The following YEATS2 variants were observed in gnomAD, a reference collection of about 807,000 sequenced individuals.
YEATS2 encodes the protein YEATS domain containing 2.
Under a neutral mutation model 163.2 loss-of-function variants are expected in YEATS2, and 77 were observed. The observed-to-expected ratio is 0.47, with a 90% CI of 0.39 to 0.57. The LOEUF (loss-of-function observed/expected upper bound fraction) is 0.57, where lower values mean the gene tolerates loss of function less well. Ranked by LOEUF, YEATS2 falls within the 20% of genes least tolerant of loss-of-function variation. The probability of loss-of-function intolerance (pLI) is 0.00; values close to 1 mark genes in which losing one functional copy is unlikely to be tolerated. For synonymous variants in YEATS2, 631 were observed against 645.1 expected (o/e 0.98, Z 0.33); for missense variants, 1,549 against 1,729.8 (o/e 0.90, Z 1.85).
intron 1 of YEATS2, among the ~76,000 whole-genome samples, chr3:183,702,045 T>C (rs1714149056): frequency 6.6e-6 from 1 of 152,212 alleles, no homozygotes; most frequent in African/African-American, 2.4e-5. Flanking sequence ...CTTACCGAAA[T>C]GCTCTTCATC....
chr3:183,776,038 G>T lies in YEATS2; in HGVS notation c.2492G>T (p.Gly831Val). 1 of 1,613,650 alleles carries T rather than the reference G, an allele frequency of 6.2e-7. No homozygotes were observed. Among genetic ancestry groups the T allele is most frequent in the African/African-American group, 1.3e-5 (1 of 75,006 alleles). ...ACAGGAGGAGGAGGAGGAACAGCAG[G>T]AGGAGGAACTCAAAGTACTGCTGGC... ...GSTGGGGGTA[G>V]GGTQSTAGPG... Residue 831 changes from glycine to valine, a missense_variant, in exon 18 of 31, where the codon GGA becomes GTA. By Grantham distance (109) the Gly-to-Val change is moderately radical. Coordinates refer to ENST00000305135, the MANE Select transcript of YEATS2 (RefSeq NM_018023.5).
intron 20 of YEATS2, among the ~76,000 whole-genome samples, chr3:183,789,431 T>C (rs924283250): frequency 1.3e-5 from 2 of 151,798 alleles, no homozygotes; most frequent in African/African-American, 2.4e-5. Context: ...GAGAAACCAT[T>C]GCCTAATCCA....
At chr3:183,799,196 G>T (rs893431207) in intron 23 of YEATS2, among the ~76,000 whole-genome samples, 1 of 152,212 alleles carries the variant, frequency 6.6e-6, no homozygotes, top group East Asian at 1.9e-4. Context: ...ACACAGAGAT[G>T]TATAAAGGAT....
In YEATS2 at chr3:183,715,018, T is replaced by G. The variant is rs1208814968; in HGVS notation, c.-19-126T>G. ...CCCACAGACTTGCAAGTACCAGTAT[T>G]AATGTAATATTTATTTATTTATTTT... On this transcript the variant is annotated intron_variant, in intron 1 of 30. Coordinates refer to ENST00000305135, the MANE Select transcript of YEATS2 (RefSeq NM_018023.5). 3 of 574,020 alleles carry G rather than the reference T, an allele frequency of 5.2e-6. No individual in the cohort carries two copies. In the African/African-American group the frequency reaches 5.6e-5, roughly 11 times the overall value. 35.6% of individuals were successfully genotyped at this position (574,020 alleles called of 1,614,324 possible). A position where few individuals can be genotyped will look rare whatever the true frequency, so the allele number is the denominator to read the frequency against.
At chr3:183,784,197 T>C (rs959821376) in intron 19 of YEATS2, among the ~76,000 whole-genome samples, 10 of 152,196 alleles carry the variant, frequency 6.6e-5, no homozygotes, top group African/African-American at 2.2e-4. Context: ...TTGTTTTCTG[T>C]TCTTTGAGAA....
At chr3:183,756,057 G>T (rs1301415642) in intron 11 of YEATS2, among the ~76,000 whole-genome samples, 1 of 152,012 alleles carries the variant, frequency 6.6e-6, no homozygotes, top group Non-Finnish European at 1.5e-5. Flanking sequence ...CTCATGCCCG[G>T]TCTCTAATTT....
In YEATS2 at chr3:183,756,543, C is replaced by A; in HGVS notation, c.1406C>A (p.Thr469Asn). Residue 469 changes from threonine (T) to asparagine (N), a missense_variant, in exon 12 of 31, where the codon ACT (threonine) becomes AAT (asparagine). By Grantham distance (65) the Thr-to-Asn change is moderately conservative. Transcript: ENST00000305135. ...CKIVSGSPIS[T>N]PSPSPLPRTP... is the part of the protein sequence containing the mutation. ...AATTAATAAGGTTCCCCAATATCAACTCCAAGCCCATCACCATTGCCTCGA... is the reference window on the plus strand; with the variant it reads ...AATTAATAAGGTTCCCCAATATCAAATCCAAGCCCATCACCATTGCCTCGA... 1 of 1,581,190 alleles carries A rather than the reference C, an allele frequency of 6.3e-7. No homozygotes were observed. The highest frequency in any genetic ancestry group is 8.6e-7 in the Non-Finnish European group (1 of 1,166,116).
chr3:183,698,197 C>G (rs573725109), intron 1 of YEATS2, among the ~76,000 whole-genome samples: 24 of 152,068 alleles, frequency 1.6e-4, no homozygotes, highest in Non-Finnish European at 3.2e-4. Context: ...GAAGCGGGAG[C>G]CTGGAATTGG....
intron 1 of YEATS2, among the ~76,000 whole-genome samples, chr3:183,711,551 T>A (rs572630752): frequency 4.1e-4 from 62 of 152,196 alleles, no homozygotes; most frequent in African/African-American, 1.5e-3. Flanking sequence ...ATTTATATTC[T>A]GAATTGTAGC....
chr3:183,796,223 C>T (rs561477315), intron 21 of YEATS2, among the ~76,000 whole-genome samples: 1 of 147,054 alleles, frequency 6.8e-6, no homozygotes, highest in South Asian at 2.2e-4. Context: ...GTCTCGAACT[C>T]CTGACCGCAG....
chr3:183,709,010 A>G (rs1029720741), intron 1 of YEATS2, among the ~76,000 whole-genome samples: 3 of 152,248 alleles, frequency 2.0e-5, no homozygotes, highest in East Asian at 1.9e-4. Flanking sequence ...AAATAAAAAA[A>G]TGAGCTGAGA....
chr3:183,721,749 G>A, intron 4 of YEATS2, 142 bp from the exon 5 acceptor site: 1 of 1,067,308 alleles, frequency 9.4e-7, no homozygotes, highest in Non-Finnish European at 1.4e-6. Context: ...AAGGGGTTGG[G>A]ATATCATTTT....
intron 1 of YEATS2, among the ~76,000 whole-genome samples, chr3:183,699,936 A>G (rs1385797532): frequency 6.6e-6 from 1 of 152,200 alleles, no homozygotes; most frequent in Non-Finnish European, 1.5e-5. Flanking sequence ...ATGTGAGGAA[A>G]TGAAACTAAT....
At chr3:183,720,493 GTAAA>G (rs973806065) in intron 4 of YEATS2, among the ~76,000 whole-genome samples, 2 of 152,198 alleles carry the variant, frequency 1.3e-5, no homozygotes, top group African/African-American at 4.8e-5. Context: ...GAGGGTAACA[GTAAA>G]TGGTGCTTGT....
In YEATS2 at chr3:183,790,650, C is replaced by A. The variant is rs1015991573; in HGVS notation, c.2914-147C>A. Reference sequence around the variant, plus strand: ...GTAACCACTGAACTAGAGAAGTAATCTTTTTTAAATGGTATGGCATTTACT... The same window carrying A: ...GTAACCACTGAACTAGAGAAGTAATATTTTTTAAATGGTATGGCATTTACT... On this transcript the variant is annotated intron_variant, in intron 20 of 30. Coordinates refer to ENST00000305135, the MANE Select transcript of YEATS2 (RefSeq NM_018023.5). 5.1e-5 allele frequency: 42 copies of A among 821,462 alleles called. No homozygotes were observed. In the African/African-American group the frequency reaches 6.1e-4, roughly 12 times the overall value. The allele number at this position is 821,462 out of a possible 1,614,324, so 50.9% of individuals were successfully genotyped here.
At chr3:183,792,942 C>T (rs970331133) in intron 21 of YEATS2, among the ~76,000 whole-genome samples, 2 of 152,202 alleles carry the variant, frequency 1.3e-5, no homozygotes, top group Non-Finnish European at 1.5e-5. Flanking sequence ...CATACTGTCT[C>T]AGCTGCCAGG....
At chr3:183,752,475 C>G (rs972219638) in intron 10 of YEATS2, among the ~76,000 whole-genome samples, 1 of 152,092 alleles carries the variant, frequency 6.6e-6, no homozygotes, top group East Asian at 1.9e-4. Flanking sequence ...TTTGGGAGGC[C>G]AAGGCGGGTG....
chr3:183,768,229 A>G (rs1221240100), intron 15 of YEATS2, among the ~76,000 whole-genome samples: 4 of 152,156 alleles, frequency 2.6e-5, no homozygotes, highest in Non-Finnish European at 5.9e-5. Flanking sequence ...CTTGTGGACT[A>G]AGAAAACACT....
At chr3:183,726,800 T>G (rs928471144) in intron 6 of YEATS2, among the ~76,000 whole-genome samples, 10 of 152,190 alleles carry the variant, frequency 6.6e-5, no homozygotes, top group African/African-American at 2.4e-4. Context: ...TGTCTGGTTT[T>G]GTTTTGTTTT....
Sources: allele counts gnomAD v4.1 joint callset (sites outside exome capture counted in the v4.1 genomes callset), GRCh38; gene constraint gnomAD v4.1.1; transcripts MANE v1.5; gene names NCBI Gene and HGNC (gene_info 2026-07-23, HGNC 2026-07-21).